Variants in FHOD3 observed in about 807,000 individuals in gnomAD.
The protein encoded by FHOD3 is FH1/FH2 domain-containing protein 3.
A neutral mutation model predicts 173.0 loss-of-function variants in FHOD3; 90 were observed. That is an observed-to-expected ratio of 0.52 (90% CI 0.44 to 0.62). The LOEUF is 0.62. Ranked by LOEUF, FHOD3 falls within the 20% of genes least tolerant of loss-of-function variation. The pLI, the probability that FHOD3 is intolerant of heterozygous loss-of-function variation, is 0.00. For missense variants in FHOD3, 1,945 were observed against 2,034.7 expected, an observed-to-expected ratio of 0.96 and a Z score of 0.85; for synonymous variants, 828 against 823.0, an observed-to-expected ratio of 1.01 and a Z score of -0.10.
chr18:36,410,927 G>A (rs774712723), intron 3 of FHOD3, among the ~76,000 whole-genome samples: 6 of 151,900 alleles, frequency 3.9e-5, no homozygotes, highest in Non-Finnish European at 7.4e-5. Context: ...TCAGATATAC[G>A]CTTTGCAAAT....
At chr18:36,544,629 G>A (rs2057346981) in intron 5 of FHOD3, 1 of 152,348 alleles carries the variant, frequency 6.6e-6, no homozygotes, top group Admixed American at 6.5e-5. Flanking sequence ...AAGCATTAAG[G>A]AGAACCACCC....
At position 36,355,615 on chromosome 18, in the gene FHOD3, A is replaced by G. The variant is rs749139649; in HGVS notation, c.242A>G (p.Asp81Gly). The G allele has an allele frequency of 6.2e-7, 1 of 1,614,102 alleles. No homozygotes were observed. Among genetic ancestry groups the G allele is most frequent in the Non-Finnish European group, 8.5e-7 (1 of 1,180,004 alleles). ...DLEATLAEQR[D>G]ELEGFQDDAG... ...GAGGCCACCCTGGCAGAGCAGCGGG[A>G]TGAGTTGGAAGGCTTCCAGGATGAC... Residue 81 changes from aspartate (D) to glycine (G), a missense_variant, in exon 2 of 29, where the codon GAT becomes GGT. Asp to Gly is a moderately conservative substitution (Grantham distance 94). Around this residue, in one of 5 missense-constraint regions of FHOD3, gnomAD observed 245 missense variants for 267.7 expected, o/e 0.92. Transcript: ENST00000590592.
At chr18:36,696,776 C>T (rs1027616652) in intron 17 of FHOD3, among the ~76,000 whole-genome samples, 2 of 152,116 alleles carry the variant, frequency 1.3e-5, no homozygotes, top group African/African-American at 4.8e-5. Context: ...TCTAAAAGTA[C>T]CAGCCCAAGG....
intron 9 of FHOD3, among the ~76,000 whole-genome samples, chr18:36,625,048 G>A (rs1208599845): frequency 6.6e-6 from 1 of 152,168 alleles, no homozygotes; most frequent in Non-Finnish European, 1.5e-5. Flanking sequence ...GGATCTTGTG[G>A]CTCTGGCCAC....
At chr18:36,320,851 C>T (rs2044357829) in intron 1 of FHOD3, among the ~76,000 whole-genome samples, 1 of 152,170 alleles carries the variant, frequency 6.6e-6, no homozygotes, top group Admixed American at 6.5e-5. Flanking sequence ...TTCTTTTAAG[C>T]ATTGGAGAAA....
At chr18:36,667,700 C>T (rs1404210106) in intron 14 of FHOD3, among the ~76,000 whole-genome samples, 1 of 152,108 alleles carries the variant, frequency 6.6e-6, no homozygotes, top group Non-Finnish European at 1.5e-5. Context: ...GAATTGAAAG[C>T]ATGAACATTA....
intron 8 of FHOD3, among the ~76,000 whole-genome samples, chr18:36,609,592 C>T (rs190192618): frequency 2.1e-3 from 317 of 150,708 alleles, no homozygotes; most frequent in African/African-American, 6.9e-3. Flanking sequence ...AAGAGTTTCC[C>T]GAGTCTTTTT....
intron 3 of FHOD3, among the ~76,000 whole-genome samples, chr18:36,422,693 A>G (rs2050047847): frequency 6.6e-6 from 1 of 152,228 alleles, no homozygotes; most frequent in Non-Finnish European, 1.5e-5. Flanking sequence ...GTGCCCCAGC[A>G]GTAGCCCTGG....
At chr18:36,364,564 G>A (rs913061866) in intron 2 of FHOD3, among the ~76,000 whole-genome samples, 6 of 152,322 alleles carry the variant, frequency 3.9e-5, no homozygotes, top group African/African-American at 1.4e-4. Context: ...GTGAAGAGCA[G>A]TATTGGTGCT....
intron 3 of FHOD3, among the ~76,000 whole-genome samples, chr18:36,430,055 A>C (rs910655155): frequency 5.9e-5 from 9 of 152,226 alleles, no homozygotes; most frequent in African/African-American, 2.2e-4. Context: ...CTGAAGATTC[A>C]GAATGATACG....
chr18:36,326,330 A>G (rs2044669700), intron 1 of FHOD3, among the ~76,000 whole-genome samples: 1 of 152,236 alleles, frequency 6.6e-6, no homozygotes, highest in South Asian at 2.1e-4. Context: ...TACTCTTAAA[A>G]ACATTGTCCT....
rs537095274 is a variant in FHOD3 at position 36,359,805 on chromosome 18, G to C, written c.272+4160G>C. 1.5e-4 allele frequency among the ~76,000 whole-genome samples: 23 copies of C among 152,226 alleles called. 1 individual carries two copies. In the South Asian group the frequency reaches 4.8e-3, roughly 32 times the overall value. ...TTGGGGGCAATATTATCATAATACTGCCTCTTTGGGTTGTTTCGAAGTAAA... is the reference window on the plus strand; with the variant it reads ...TTGGGGGCAATATTATCATAATACTCCCTCTTTGGGTTGTTTCGAAGTAAA... On this transcript the variant is annotated intron_variant, in intron 2 of 28. Transcript: ENST00000590592.
At position 36,297,997 on chromosome 18, in the gene FHOD3, C is replaced by T. The variant is rs570874673; in HGVS notation, c.162C>T (p.His54=). The T allele has an allele frequency of 2.7e-5, 41 of 1,544,240 alleles. 1 individual carries two copies. In the South Asian group the frequency reaches 4.6e-4, roughly 17 times the overall value. The change falls in exon 1 of 29, where the codon CAC becomes CAT. Residue 54 remains histidine, a synonymous_variant. Transcript: ENST00000590592. ...AGVHRLLQAP[H]KLDDCTLQLS... ...TCCATAGGCTGCTGCAGGCGCCGCA[C>T]AAGGTACGACCCGGCGGGGTGGGCT...
intron 3 of FHOD3, among the ~76,000 whole-genome samples, chr18:36,398,884 TG>T (rs900375310): frequency 6.6e-6 from 1 of 151,778 alleles, no homozygotes; most frequent in Non-Finnish European, 1.5e-5. Flanking sequence ...AGGACAGGGA[TG>T]GGGGGGATCT....
intron 5 of FHOD3, among the ~76,000 whole-genome samples, chr18:36,550,918 C>A (rs2057625818): frequency 6.6e-6 from 1 of 151,906 alleles, no homozygotes; most frequent in Admixed American, 6.6e-5. Context: ...TCTTTCTTTC[C>A]TTTTATTGCA....
chr18:36,447,780 G>C (rs1293100483), intron 3 of FHOD3, among the ~76,000 whole-genome samples: 1 of 152,228 alleles, frequency 6.6e-6, no homozygotes, highest in African/African-American at 2.4e-5. Flanking sequence ...GGAATATCAT[G>C]TAATTGTTAA....
chr18:36,396,719 T>C (rs1406914410), intron 3 of FHOD3, among the ~76,000 whole-genome samples: 1 of 152,196 alleles, frequency 6.6e-6, no homozygotes, highest in East Asian at 1.9e-4. Context: ...GCTATGACTT[T>C]TTGACATGCT....
chr18:36,479,692 A>G (rs998639897), intron 3 of FHOD3, among the ~76,000 whole-genome samples: 2 of 152,190 alleles, frequency 1.3e-5, no homozygotes, highest in African/African-American at 4.8e-5. Context: ...CTTTGACTAT[A>G]TAGCGTGAAT....
intron 5 of FHOD3, among the ~76,000 whole-genome samples, chr18:36,531,106 A>G (rs1313829229): frequency 6.6e-6 from 1 of 152,204 alleles, no homozygotes; most frequent in Non-Finnish European, 1.5e-5. Flanking sequence ...CATTTTGCAC[A>G]TAGGGAAATT....
Sources: gnomAD v4.1 joint callset for allele counts (sites outside exome capture counted in the v4.1 genomes callset) on GRCh38, gnomAD v4.1.1 for gene constraint, gnomAD v4.1.1 regional missense constraint, MANE v1.5 for transcripts, NCBI Gene and HGNC (gene_info 2026-07-23, HGNC 2026-07-21) for gene names.